The following LRRC3B variants were observed in gnomAD, a reference collection of about 807,000 sequenced individuals.
LRRC3B encodes the protein leucine rich repeat containing 3B.
A neutral mutation model predicts 12.8 loss-of-function variants in LRRC3B; 2 were observed. The ratio of observed to expected loss-of-function variants is 0.16; its 90% CI spans 0.06 to 0.49. LRRC3B has a LOEUF of 0.49. LRRC3B is among the 20% of genes least tolerant of loss of function. LRRC3B has a pLI of 0.96. For synonymous variants in LRRC3B, 132 were observed against 122.0 expected (o/e 1.08, Z -0.54); for missense variants, 189 against 319.4 (o/e 0.59, Z 3.11).
chr3:26,691,089 A>ATG (rs1247919351), intron 1 of LRRC3B, among the ~76,000 whole-genome samples: 106 of 72,866 alleles, frequency 1.5e-3, no homozygotes, highest in Non-Finnish European at 1.7e-3. Context: ...GTGTGTGTGT[A>ATG]TATGTGTGTG....
At chr3:26,685,196 A>G (rs978051864) in intron 1 of LRRC3B, among the ~76,000 whole-genome samples, 1 of 151,888 alleles carries the variant, frequency 6.6e-6, no homozygotes, top group Non-Finnish European at 1.5e-5. Context: ...CAGGTGATCC[A>G]CCCACCTTGG....
intron 1 of LRRC3B, among the ~76,000 whole-genome samples, chr3:26,629,297 TAGA>T (rs1442175370): frequency 4.6e-5 from 7 of 151,760 alleles, no homozygotes; most frequent in African/African-American, 1.5e-4. Context: ...AGGTCATTGA[TAGA>T]AGAAGTATTC....
intron 1 of LRRC3B, among the ~76,000 whole-genome samples, chr3:26,698,320 G>C (rs956630491): frequency 6.6e-6 from 1 of 152,174 alleles, no homozygotes; most frequent in Non-Finnish European, 1.5e-5. Flanking sequence ...ATTATGCAAT[G>C]AGTTAGTGGC....
chr3:26,659,807 G>C (rs780075695), intron 1 of LRRC3B, among the ~76,000 whole-genome samples: 2 of 152,168 alleles, frequency 1.3e-5, no homozygotes, highest in African/African-American at 2.4e-5. Context: ...TAGGTTCTGA[G>C]AAATTATCCC....
At chr3:26,637,566 C>T (rs1698930303) in intron 1 of LRRC3B, among the ~76,000 whole-genome samples, 2 of 152,176 alleles carry the variant, frequency 1.3e-5, no homozygotes, top group South Asian at 4.2e-4. Flanking sequence ...CTAGGAAACA[C>T]TTGTGGATTC....
chr3:26,646,591 T>A (rs1474354575), intron 1 of LRRC3B, among the ~76,000 whole-genome samples: 8 of 97,650 alleles, frequency 8.2e-5, no homozygotes, highest in Admixed American at 1.4e-4. Context: ...CCACTAAGGA[T>A]AGGAGGTAAA....
At chr3:26,658,217 C>T (rs1266728612) in intron 1 of LRRC3B, among the ~76,000 whole-genome samples, 1 of 152,116 alleles carries the variant, frequency 6.6e-6, no homozygotes, top group African/African-American at 2.4e-5. Flanking sequence ...GCCACCACGC[C>T]CAGCTAATTT....
At chr3:26,671,363 T>G (rs1270915930) in intron 1 of LRRC3B, among the ~76,000 whole-genome samples, 47 of 46,238 alleles carry the variant, frequency 1.0e-3, no homozygotes, top group South Asian at 1.8e-3. Context: ...TATATATATA[T>G]ATATATATAT....
At chr3:26,629,685 T>G (rs541568830) in intron 1 of LRRC3B, among the ~76,000 whole-genome samples, 2 of 152,324 alleles carry the variant, frequency 1.3e-5, no homozygotes, top group South Asian at 4.1e-4. Flanking sequence ...GGTTTCAAAG[T>G]TTTTATTTTC....
intron 1 of LRRC3B, among the ~76,000 whole-genome samples, chr3:26,633,912 G>GA (rs1445253491): frequency 6.6e-6 from 1 of 152,146 alleles, no homozygotes; most frequent in African/African-American, 2.4e-5. Flanking sequence ...AAAAGTGTCA[G>GA]AAATCCATAT....
At chr3:26,629,184 C>T (rs1200623414) in intron 1 of LRRC3B, among the ~76,000 whole-genome samples, 1 of 145,688 alleles carries the variant, frequency 6.9e-6, no homozygotes, top group East Asian at 2.1e-4. Context: ...CTCTACCCCT[C>T]CCCCTCCCTC....
intron 1 of LRRC3B, among the ~76,000 whole-genome samples, chr3:26,687,875 G>C (rs2125446792): frequency 6.6e-6 from 1 of 152,292 alleles, no homozygotes; most frequent in South Asian, 2.1e-4. Context: ...AATTAGCCTT[G>C]GCTCCTCTGC....
chr3:26,695,454 G>A (rs977372858), intron 1 of LRRC3B, among the ~76,000 whole-genome samples: 1 of 152,172 alleles, frequency 6.6e-6, no homozygotes, highest in African/African-American at 2.4e-5. Context: ...GTGAAACCGG[G>A]AGGCGGAGCT....
At chr3:26,691,120 T>TATATATATATATATATAC (rs1559368581) in intron 1 of LRRC3B, among the ~76,000 whole-genome samples, 4 of 141,292 alleles carry the variant, frequency 2.8e-5, no homozygotes, top group Non-Finnish European at 4.6e-5. Flanking sequence ...TATATATATA[T>TATATATATATATATATAC]ATATATATAT....
intron 1 of LRRC3B, among the ~76,000 whole-genome samples, chr3:26,705,394 A>G (rs941125818): frequency 3.3e-5 from 5 of 151,906 alleles, no homozygotes; most frequent in Admixed American, 1.3e-4. Flanking sequence ...GAATGAGTAG[A>G]TGGGGACAGG....
chr3:26,662,212 T>C (rs1575137961), intron 1 of LRRC3B, among the ~76,000 whole-genome samples: 1 of 152,164 alleles, frequency 6.6e-6, no homozygotes. Context: ...TCCTAGACCA[T>C]TATAGTCAAT....
intron 1 of LRRC3B, among the ~76,000 whole-genome samples, chr3:26,671,095 A>T (rs1699712875): frequency 7.7e-6 from 1 of 130,144 alleles, no homozygotes; most frequent in African/African-American, 3.0e-5. Flanking sequence ...GGCTCACTGC[A>T]AGCTCCGCCT....
chr3:26,640,702 C>A (rs78355823), intron 1 of LRRC3B, among the ~76,000 whole-genome samples: 1,821 of 152,180 alleles, frequency 0.012, 34 homozygotes, highest in African/African-American at 0.04. Flanking sequence ...GAAGAGAGAC[C>A]TGTGGAAAAC....
At chr3:26,675,592 A>AAGGT (rs1699840563) in intron 1 of LRRC3B, among the ~76,000 whole-genome samples, 1 of 152,216 alleles carries the variant, frequency 6.6e-6, no homozygotes, top group Admixed American at 6.5e-5. Flanking sequence ...AAGTCTGACA[A>AAGGT]AGGTATTGAT....
Sources: gnomAD v4.1 joint callset for allele counts (sites outside exome capture counted in the v4.1 genomes callset) on GRCh38, gnomAD v4.1.1 for gene constraint, MANE v1.5 for transcripts, NCBI Gene and HGNC (gene_info 2026-07-23, HGNC 2026-07-21) for gene names.